RREB1: variants seen among roughly 807,000 people sequenced by gnomAD.
RREB1 encodes ras responsive element binding protein 1.
Under a neutral mutation model 117.8 loss-of-function variants are expected in RREB1, and 27 were observed. The ratio of observed to expected loss-of-function variants is 0.23; its 90% confidence interval spans 0.17 to 0.32. The LOEUF is 0.32. RREB1 is among the 10% of genes least tolerant of loss of function. The probability of loss-of-function intolerance (pLI) is 1.00; values close to 1 mark genes in which losing one functional copy is unlikely to be tolerated. For synonymous variants in RREB1, 1,298 were observed against 1,026.7 expected, an observed-to-expected ratio of 1.26 and a Z score of -5.05; for missense variants, 2,577 against 2,378.2, an observed-to-expected ratio of 1.08 and a Z score of -1.74.
At chr6:7,238,538 C>T (rs1020247902) in intron 10 of RREB1, among the ~76,000 whole-genome samples, 2 of 152,138 alleles carry the variant, frequency 1.3e-5, no homozygotes, top group African/African-American at 2.4e-5. Context: ...CACATGACCA[C>T]AAGAAGTAAT....
At chr6:7,168,234 GAC>G (rs1764048116) in intron 1 of RREB1, among the ~76,000 whole-genome samples, 1 of 130,202 alleles carries the variant, frequency 7.7e-6, no homozygotes, top group South Asian at 2.6e-4. Flanking sequence ...CAGCCTGGGT[GAC>G]AGAGTGAGAC....
rs796503183 is a variant in RREB1 at position 7,249,101 on chromosome 6, G to C, written c.*133G>C. On this transcript the variant is annotated 3_prime_UTR_variant, in exon 13 of 13. Transcript: ENST00000379938. ...AGAGAGAGAGAGAGAGAGAGAGAGA[G>C]AGACAAGCAGGAGCGTGGCTGCTCG... is the stretch of plus-strand genomic sequence containing the variant. 1.8e-4 allele frequency: 106 copies of C among 592,032 alleles called. No homozygotes were observed. Among genetic ancestry groups the C allele is most frequent in the African/African-American group, 1.5e-3 (71 of 48,720 alleles). The allele number at this position is 592,032 out of a possible 1,614,324, so 36.7% of individuals were successfully genotyped here. A position where few individuals can be genotyped will look rare whatever the true frequency, so the allele number is the denominator to read the frequency against.
chr6:7,125,923 T>C (rs917761980), intron 1 of RREB1, among the ~76,000 whole-genome samples: 2 of 152,198 alleles, frequency 1.3e-5, no homozygotes, highest in African/African-American at 4.8e-5. Flanking sequence ...TGGCAGATAC[T>C]GAATTACGGT....
rs573264075 is a variant in RREB1 at position 7,243,984 on chromosome 6, G to A, written c.3974-2440G>A. ...AACCTTCTTTTAAAAATTACCAGTC[G>A]GGCGTGGTGGCGCATGCCTGTAATC... On this transcript the variant is annotated intron_variant, in intron 11 of 12. Coordinates refer to ENST00000379938, the MANE Select transcript of RREB1 (RefSeq NM_001003699.4). 1.4e-4 allele frequency among the ~76,000 whole-genome samples: 21 copies of A among 152,244 alleles called. No individual in the cohort carries two copies. The South Asian group carries it at 3.1e-3, about 23-fold the overall frequency.
chr6:7,231,358 G>A lies in RREB1; in HGVS notation c.3259G>A (p.Ala1087Thr), dbSNP rs142238870. ...SAPTLLKTKV[A>T]DPGPASTGSN... The stretch of plus-strand genomic sequence containing the variant: ...CCCCACCCTGCTGAAAACCAAGGTG[G>A]CGGACCCAGGGCCCGCAAGCACTGG... The change falls in exon 10 of 13, where the codon GCG becomes ACG. Residue 1087 changes from alanine to threonine, a missense_variant. Transcript: ENST00000379938. 8.7e-6 allele frequency: 14 copies of A among 1,612,940 alleles called. No homozygotes were observed. In the African/African-American group the frequency reaches 1.7e-4, roughly 20 times the overall value.
At position 7,248,746 on chromosome 6, in the gene RREB1, C is replaced by CA; in HGVS notation, c.5008dup (p.Thr1670AsnfsTer29). ...CCAATGCCAGCAACCACATGGCTGT[C>CA]ACCCGGAGCCGGAAGGAGGGCTTGG... On this transcript the variant is annotated frameshift_variant, in exon 13 of 13. Coordinates refer to ENST00000379938, the MANE Select transcript of RREB1 (RefSeq NM_001003699.4). LOFTEE classifies it high-confidence loss of function. 1 of 1,614,112 alleles carries CA rather than the reference C, an allele frequency of 6.2e-7. No homozygotes were observed. The highest frequency in any genetic ancestry group is 1.1e-5 in the South Asian group (1 of 91,082).
intron 1 of RREB1, among the ~76,000 whole-genome samples, chr6:7,128,069 C>T (rs551098933): frequency 3.8e-4 from 58 of 152,146 alleles, no homozygotes; most frequent in South Asian, 2.1e-3. Flanking sequence ...GGAAGAAATA[C>T]GAATTTTTTA....
At chr6:7,111,611 A>T (rs1272784714) in intron 1 of RREB1, among the ~76,000 whole-genome samples, 1 of 152,224 alleles carries the variant, frequency 6.6e-6, no homozygotes, top group African/African-American at 2.4e-5. Context: ...GGTTTAGTTA[A>T]TTTCTGAATC....
chr6:7,154,162 C>A (rs1186104165), intron 1 of RREB1, among the ~76,000 whole-genome samples: 1 of 152,200 alleles, frequency 6.6e-6, no homozygotes. Flanking sequence ...GTTCTCTATG[C>A]ACATAAACTA....
chr6:7,123,098 C>T (rs1344966172), intron 1 of RREB1, among the ~76,000 whole-genome samples: 1 of 152,114 alleles, frequency 6.6e-6, no homozygotes, highest in Non-Finnish European at 1.5e-5. Flanking sequence ...GCATGTCTTA[C>T]ATACGGCTGT....
intron 1 of RREB1, among the ~76,000 whole-genome samples, chr6:7,136,336 ATTGT>A (rs1220253947): frequency 6.6e-6 from 1 of 152,218 alleles, no homozygotes; most frequent in East Asian, 1.9e-4. Context: ...GTTTTGAAGA[ATTGT>A]TTAATTGGCT....
Position 7,197,722 on chromosome 6 carries a change from G to A in RREB1, c.425+8400G>A, listed in dbSNP as rs188669964. Among the ~76,000 whole-genome samples, 6 of 152,260 alleles carry A rather than the reference G, an allele frequency of 3.9e-5. No homozygotes were observed. In the South Asian group the frequency reaches 6.2e-4, roughly 16 times the overall value. ...CCTTGGAACATCATCTAGTTGTTTC[G>A]TTGCAGGCTTTTTTCCTGCAGCCAT... On this transcript the variant is annotated intron_variant, in intron 6 of 12. Coordinates refer to ENST00000379938, the MANE Select transcript of RREB1 (RefSeq NM_001003699.4).
Position 7,230,162 on chromosome 6 carries a change from G to A in RREB1, c.2063G>A (p.Arg688His), listed in dbSNP as rs760421039. 8 of 1,606,546 alleles carry A rather than the reference G, an allele frequency of 5.0e-6. No individual in the cohort carries two copies. The highest frequency in any genetic ancestry group is 6.8e-6 in the Non-Finnish European group (8 of 1,179,530). ...YIAADKAALI[R>H]HLRTHSGERP... ...GCCGCCGACAAGGCCGCGCTCATCC[G>A]CCACCTGCGCACGCACAGTGGGGAG... is the stretch of plus-strand genomic sequence containing the variant. Residue 688 changes from arginine (R) to histidine (H), a missense_variant, in exon 10 of 13, where the codon CGC becomes CAC. Arg to His is a conservative substitution (Grantham distance 29). Coordinates refer to ENST00000379938, the MANE Select transcript of RREB1 (RefSeq NM_001003699.4).
chr6:7,199,451 T>G (rs1056450041), intron 6 of RREB1, among the ~76,000 whole-genome samples: 3 of 152,216 alleles, frequency 2.0e-5, no homozygotes, highest in African/African-American at 7.2e-5. Context: ...TCCCAGCTTC[T>G]TAACAATTGG....
At chr6:7,244,291 G>C (rs2113184911) in intron 11 of RREB1, among the ~76,000 whole-genome samples, 1 of 151,580 alleles carries the variant, frequency 6.6e-6, no homozygotes, top group Admixed American at 6.6e-5. Flanking sequence ...TACTTACAAA[G>C]GCCAGCCACA....
At chr6:7,135,012 T>C (rs1762292731) in intron 1 of RREB1, among the ~76,000 whole-genome samples, 1 of 152,240 alleles carries the variant, frequency 6.6e-6, no homozygotes. Context: ...TCAGCCAGAT[T>C]GTAAGAAACA....
intron 1 of RREB1, among the ~76,000 whole-genome samples, chr6:7,115,176 G>A (rs1761336888): frequency 6.6e-6 from 1 of 152,164 alleles, no homozygotes; most frequent in Non-Finnish European, 1.5e-5. Context: ...TGAGAGGGTG[G>A]ATGGCTGCCA....
At chr6:7,217,318 AAC>A (rs1766957773) in intron 8 of RREB1, 1 of 152,210 alleles carries the variant, frequency 6.6e-6, no homozygotes. Context: ...TCTCCATTAA[AAC>A]ACAATAATGA....
intron 1 of RREB1, among the ~76,000 whole-genome samples, chr6:7,129,888 CG>C (rs1762080939): frequency 1.3e-5 from 2 of 152,148 alleles, no homozygotes; most frequent in Admixed American, 6.5e-5. Flanking sequence ...TGTTGGTAGA[CG>C]GGTGTATATA....
Sources: gnomAD v4.1 joint callset for allele counts (sites outside exome capture counted in the v4.1 genomes callset) on GRCh38, gnomAD v4.1.1 for gene constraint, MANE v1.5 for transcripts, NCBI Gene and HGNC (gene_info 2026-07-23, HGNC 2026-07-21) for gene names.